TLR1: variants seen among roughly 807,000 people sequenced by gnomAD.
The protein encoded by TLR1 is toll-like receptor 1.
A neutral mutation model predicts 20.2 loss-of-function variants in TLR1; 19 were observed. The observed-to-expected ratio is 0.94, with a 90% CI of 0.66 to 1.38. TLR1 has a LOEUF of 1.38. Among genes scored for constraint, TLR1 ranks in the 40% most tolerant of loss-of-function variants. TLR1 has a pLI of 0.00. For missense variants in TLR1, 921 were observed against 910.0 expected, an observed-to-expected ratio of 1.01 and a Z score of -0.16; for synonymous variants, 320 against 334.5, an observed-to-expected ratio of 0.96 and a Z score of 0.47.
chr4:38,794,092 T>A (rs11096958), downstream of TLR1, among the ~76,000 whole-genome samples: 2,695 of 152,298 alleles, frequency 0.018, 71 homozygotes, highest in African/African-American at 0.062. Context: ...ACTATGGGAA[T>A]AAATTTCAGT....
In TLR1 at chr4:38,801,299, T is replaced by C. The variant is rs371894756; in HGVS notation, c.-159-351A>G. Among the ~76,000 whole-genome samples, 6 of 152,160 alleles carry C rather than the reference T, an allele frequency of 3.9e-5. No individual in the cohort carries two copies. The East Asian group carries it at 9.7e-4, about 25-fold the overall frequency. ...AGGCTGTCATTCTGCCATATGAAAATACAAGAAGGAGGCATCCGCAAACCA... is the reference window on the plus strand; with the variant it reads ...AGGCTGTCATTCTGCCATATGAAAACACAAGAAGGAGGCATCCGCAAACCA... On this transcript the variant is annotated intron_variant, in intron 2 of 3. Transcript: ENST00000308979.
chr4:38,788,850 A>G (rs752477503), downstream of TLR1, among the ~76,000 whole-genome samples: 2 of 152,016 alleles, frequency 1.3e-5, no homozygotes, highest in Non-Finnish European at 2.9e-5. Flanking sequence ...CTACAAAAAA[A>G]TTTTTAAATG....
chr4:38,787,846 A>T (rs1376692423), downstream of TLR1, among the ~76,000 whole-genome samples: 2 of 152,196 alleles, frequency 1.3e-5, no homozygotes, highest in African/African-American at 2.4e-5. Flanking sequence ...ACAATGAGCC[A>T]ACAAACTTGA....
intron 1 of TLR1, 80 bp downstream of exon 1, chr4:38,804,674 A>G (rs1726909865): frequency 6.6e-6 from 1 of 152,216 alleles, no homozygotes; most frequent in Admixed American, 6.5e-5. Flanking sequence ...CAGGACTTAC[A>G]CAGATTTTTG....
downstream of TLR1, among the ~76,000 whole-genome samples, chr4:38,788,583 C>T (rs1402471948): frequency 4.6e-5 from 7 of 152,180 alleles, no homozygotes; most frequent in Non-Finnish European, 8.8e-5. Flanking sequence ...TATTTCAATA[C>T]GTCCAGGGCT....
rs771697062 is a variant in TLR1 at position 38,797,201 on chromosome 4, C to T, written c.1631G>A (p.Ser544Asn). The T allele has an allele frequency of 9.3e-6, 15 of 1,614,134 alleles. No homozygotes were observed. Among genetic ancestry groups the T allele is most frequent in the African/African-American group, 1.3e-5 (1 of 74,952 alleles). Reference protein sequence around the residue: ...EFVKNIDQVSSEVLEGWPDSY... With the variant: ...EFVKNIDQVSNEVLEGWPDSY... ...ATCAGGCCAGCCCTCTAACACTTCA[C>T]TTGATACTTGGTCTATATTTTTGAC... The change falls in exon 4 of 4, where the codon AGT (serine) becomes AAT (asparagine). Residue 544 changes from serine to asparagine, a missense_variant. By Grantham distance (46) the Ser-to-Asn change is conservative. Coordinates refer to ENST00000308979, the MANE Select transcript of TLR1 (RefSeq NM_003263.4).
At position 38,796,614 on chromosome 4, in the gene TLR1, G is replaced by A. The variant is rs41305843; in HGVS notation, c.2218C>T (p.Pro740Ser). ...CTTTTGAGCTTGTGATAACTGCTAG[G>A]AATGGAGTACTGCGGAATGGGTTCC... ...LLEPIPQYSI[P>S]SSYHKLKSLM... Residue 740 changes from proline to serine, a missense_variant, in exon 4 of 4, where the codon CCT becomes TCT. By Grantham distance (74) the Pro-to-Ser change is moderately conservative. Transcript: ENST00000308979. 7.2e-5 allele frequency: 117 copies of A among 1,614,218 alleles called. No individual in the cohort carries two copies. The highest frequency in any genetic ancestry group is 9.4e-5 in the Non-Finnish European group (111 of 1,180,046).
chr4:38,798,480 G>T lies in TLR1; in HGVS notation c.352C>A (p.His118Asn). ...AATGCATTAAATGACAGGTCCAAGTGCTTGAGGTTCACAGTAGGGTGGCAA... is the reference window on the plus strand; with the variant it reads ...AATGCATTAAATGACAGGTCCAAGTTCTTGAGGTTCACAGTAGGGTGGCAA... ...ISCHPTVNLK[H>N]LDLSFNAFDA... The change falls in exon 4 of 4, where the codon CAC becomes AAC. Residue 118 changes from histidine to asparagine, a missense_variant. Coordinates refer to ENST00000308979, the MANE Select transcript of TLR1 (RefSeq NM_003263.4). 1 of 1,614,084 alleles carries T rather than the reference G, an allele frequency of 6.2e-7. No individual in the cohort carries two copies. Among genetic ancestry groups the T allele is most frequent in the Non-Finnish European group, 8.5e-7 (1 of 1,180,022 alleles).
intron 2 of TLR1, among the ~76,000 whole-genome samples, chr4:38,801,581 G>C (rs5743590): frequency 2.0e-5 from 3 of 152,148 alleles, no homozygotes; most frequent in African/African-American, 4.8e-5. Flanking sequence ...CCAGATCAAG[G>C]CTCTTTCCAC....
intron 2 of TLR1, among the ~76,000 whole-genome samples, chr4:38,801,907 T>C (rs5743587): frequency 0.023 from 3,489 of 152,214 alleles, 112 homozygotes; most frequent in African/African-American, 0.073. Flanking sequence ...TGTTAAACAG[T>C]CTCTCTAAGC....
chr4:38,791,659 T>C (rs765011933), downstream of TLR1, among the ~76,000 whole-genome samples: 1 of 152,218 alleles, frequency 6.6e-6, no homozygotes, highest in Non-Finnish European at 1.5e-5. Flanking sequence ...AGATGAAACA[T>C]GATCAGCACT....
chr4:38,788,776 GC>G (rs1191383593), downstream of TLR1, among the ~76,000 whole-genome samples: 2 of 152,202 alleles, frequency 1.3e-5, no homozygotes, highest in African/African-American at 4.8e-5. Flanking sequence ...GGAGGCCAAG[GC>G]AGGAGGATCC....
At chr4:38,791,990 G>T (rs778822974), downstream of TLR1, among the ~76,000 whole-genome samples, 2 of 152,176 alleles carry the variant, frequency 1.3e-5, no homozygotes, top group Non-Finnish European at 2.9e-5. Flanking sequence ...CCTCTAGAGT[G>T]AATAGCCATG....
chr4:38,796,365 A>G lies in TLR1; in HGVS notation c.*106T>C, dbSNP rs1404935078. On this transcript the variant is annotated 3_prime_UTR_variant, in exon 4 of 4. Transcript: ENST00000308979. The stretch of plus-strand genomic sequence containing the variant: ...GTATATATTTTTACCTACATCATAC[A>G]CTCACAATTGTGTTTACATCTATGC... 5 of 1,267,580 alleles carry G rather than the reference A, an allele frequency of 3.9e-6. No individual in the cohort carries two copies. The Admixed American group carries it at 9.9e-5, about 25-fold the overall frequency. The allele number at this position is 1,267,580 out of a possible 1,614,324, so 78.5% of individuals were successfully genotyped here. A position where few individuals can be genotyped will look rare whatever the true frequency, so the allele number is the denominator to read the frequency against.
At chr4:38,789,401 T>C (rs1725666222), downstream of TLR1, among the ~76,000 whole-genome samples, 1 of 152,244 alleles carries the variant, frequency 6.6e-6, no homozygotes, top group South Asian at 2.1e-4. Context: ...ACCAGCACAC[T>C]ACAGCAGCTG....
chr4:38,788,772 CAA>C (rs1725656027), downstream of TLR1, among the ~76,000 whole-genome samples: 1 of 152,104 alleles, frequency 6.6e-6, no homozygotes, highest in Non-Finnish European at 1.5e-5. Flanking sequence ...TTTGGGAGGC[CAA>C]GGCAGGAGGA....
chr4:38,801,893 C>T (rs533425541), intron 2 of TLR1, among the ~76,000 whole-genome samples: 1 of 152,292 alleles, frequency 6.6e-6, no homozygotes, highest in East Asian at 1.9e-4. Context: ...GATGATCAGG[C>T]AGTTGTTAAA....
At chr4:38,800,211 T>G (rs1003749433) in intron 3 of TLR1, among the ~76,000 whole-genome samples, 3 of 152,130 alleles carry the variant, frequency 2.0e-5, no homozygotes, top group African/African-American at 7.2e-5. Flanking sequence ...GGAATTGAGC[T>G]TGGCTTGTCT....
At chr4:38,791,743 A>T (rs1725730649), downstream of TLR1, among the ~76,000 whole-genome samples, 1 of 152,240 alleles carries the variant, frequency 6.6e-6, no homozygotes, top group Admixed American at 6.5e-5. Context: ...AATAACTCTA[A>T]CATTTATTGA....
Sources: gnomAD v4.1 joint callset for allele counts (sites outside exome capture counted in the v4.1 genomes callset) on GRCh38, gnomAD v4.1.1 for gene constraint, MANE v1.5 for transcripts, NCBI Gene and HGNC (gene_info 2026-07-23, HGNC 2026-07-21) for gene names.